Variants in LRP1B observed in about 807,000 individuals in gnomAD.
The protein encoded by LRP1B is LDL receptor related protein 1B.
Under a neutral mutation model 556.6 loss-of-function variants are expected in LRP1B, and 217 were observed. The observed-to-expected ratio is 0.39, with a 90% CI of 0.35 to 0.44. LRP1B has a LOEUF of 0.44. Among genes scored for constraint, LRP1B ranks in the 20% least tolerant of loss-of-function variants. The probability of loss-of-function intolerance (pLI) is 1.00; values close to 1 mark genes in which losing one functional copy is unlikely to be tolerated. For synonymous variants in LRP1B, 2,047 were observed against 1,865.8 expected (o/e 1.10, Z -2.50); for missense variants, 5,053 against 5,620.8 (o/e 0.90, Z 3.23).
intron 5 of LRP1B, among the ~76,000 whole-genome samples, chr2:141,233,841 T>C (rs2105303532): frequency 6.6e-6 from 1 of 152,144 alleles, no homozygotes; most frequent in South Asian, 2.1e-4. Flanking sequence ...AATAATTATG[T>C]AACTAACAAA....
intron 3 of LRP1B, among the ~76,000 whole-genome samples, chr2:141,426,943 G>T (rs1157779733): frequency 6.6e-6 from 1 of 152,034 alleles, no homozygotes; most frequent in Non-Finnish European, 1.5e-5. Context: ...TGTTACATAG[G>T]TATACACGTG....
At chr2:141,374,825 G>A (rs1244199014) in intron 3 of LRP1B, among the ~76,000 whole-genome samples, 8 of 151,972 alleles carry the variant, frequency 5.3e-5, no homozygotes, top group Admixed American at 1.3e-4. Flanking sequence ...CACATTGAGC[G>A]TCTTTAAAGA....
chr2:141,738,120 A>T (rs1401262069), intron 2 of LRP1B, among the ~76,000 whole-genome samples: 1 of 152,164 alleles, frequency 6.6e-6, no homozygotes. Flanking sequence ...AGTATGCTTC[A>T]GGAAATAGAA....
chr2:141,677,567 G>A (rs1188923730), intron 2 of LRP1B, among the ~76,000 whole-genome samples: 1 of 151,940 alleles, frequency 6.6e-6, no homozygotes, highest in African/African-American at 2.4e-5. Context: ...TCGTTTCACC[G>A]CAAACTCCAC....
chr2:141,211,230 C>T (rs758409826), intron 6 of LRP1B, among the ~76,000 whole-genome samples: 4 of 151,276 alleles, frequency 2.6e-5, no homozygotes, highest in African/African-American at 7.3e-5. Flanking sequence ...TCAGGTGATC[C>T]GCCTACCTCA....
chr2:140,460,409 A>G (rs1687269117), intron 60 of LRP1B, among the ~76,000 whole-genome samples: 1 of 152,238 alleles, frequency 6.6e-6, no homozygotes, highest in African/African-American at 2.4e-5. Flanking sequence ...ATGTGAAGGT[A>G]TGAAAGAAAC....
At chr2:140,255,420 T>G (rs1681629801) in intron 86 of LRP1B, among the ~76,000 whole-genome samples, 1 of 152,200 alleles carries the variant, frequency 6.6e-6, no homozygotes, top group Admixed American at 6.5e-5. Flanking sequence ...GTCATAAATA[T>G]CTTTACATAT....
chr2:141,719,775 C>T (rs567275267), intron 2 of LRP1B, among the ~76,000 whole-genome samples: 3 of 152,006 alleles, frequency 2.0e-5, no homozygotes, highest in African/African-American at 7.2e-5. Flanking sequence ...AACAGAAAAC[C>T]AAATACTGCA....
At chr2:140,243,334 A>G (rs1681030883) in intron 87 of LRP1B, among the ~76,000 whole-genome samples, 1 of 151,088 alleles carries the variant, frequency 6.6e-6, no homozygotes, top group African/African-American at 2.4e-5. Flanking sequence ...CAGAATAGAA[A>G]GAAAATAATG....
At chr2:141,345,370 C>T (rs1688209568) in intron 3 of LRP1B, among the ~76,000 whole-genome samples, 1 of 151,660 alleles carries the variant, frequency 6.6e-6, no homozygotes, top group Non-Finnish European at 1.5e-5. Flanking sequence ...CTAATAAGGA[C>T]TTTTTTTTTC....
intron 1 of LRP1B, among the ~76,000 whole-genome samples, chr2:141,813,276 C>T (rs1009422677): frequency 8.6e-5 from 13 of 151,988 alleles, no homozygotes; most frequent in Non-Finnish European, 1.8e-4. Flanking sequence ...AAAGATAAAC[C>T]TTATTGAGAA....
intron 2 of LRP1B, among the ~76,000 whole-genome samples, chr2:141,653,870 T>A (rs2105383551): frequency 6.6e-6 from 1 of 152,330 alleles, no homozygotes; most frequent in East Asian, 1.9e-4. Context: ...TTTTCTTTTA[T>A]AAAAATGGTA....
chr2:140,623,956 G>GTATATATATATATATATATATTTATATA (rs3060390), intron 41 of LRP1B, among the ~76,000 whole-genome samples: 1 of 106,436 alleles, frequency 9.4e-6, no homozygotes, highest in African/African-American at 3.4e-5. Context: ...TTTTATTTAT[G>GTATATATATATATATATATATTTATATA]TATATATATA....
chr2:141,150,269 C>A (rs1701888175), intron 7 of LRP1B, among the ~76,000 whole-genome samples: 1 of 152,188 alleles, frequency 6.6e-6, no homozygotes, highest in Admixed American at 6.5e-5. Context: ...TCAAAGTTTA[C>A]TAGTAAGTTC....
chr2:141,639,312 A>G (rs1462519270), intron 2 of LRP1B, among the ~76,000 whole-genome samples: 8,712 of 20,222 alleles, frequency 0.43, 1,166 homozygotes, highest in Non-Finnish European at 0.48. Context: ...GTGTATATAT[A>G]TATATATATA....
At chr2:140,951,839 C>A (rs1316750680) in intron 19 of LRP1B, 21 bp downstream of exon 19, 1 of 1,588,644 alleles carries the variant, frequency 6.3e-7, no homozygotes, top group Non-Finnish European at 8.6e-7. Context: ...TAGTGCTATA[C>A]AGTGAGCATT....
At chr2:141,068,104 C>T (rs1396412028) in intron 7 of LRP1B, among the ~76,000 whole-genome samples, 2 of 151,910 alleles carry the variant, frequency 1.3e-5, no homozygotes, top group Non-Finnish European at 2.9e-5. Context: ...CCATGACTAA[C>T]CGCCCATATT....
At chr2:142,117,174 T>C (rs574174570) in intron 1 of LRP1B, among the ~76,000 whole-genome samples, 31 of 152,282 alleles carry the variant, frequency 2.0e-4, no homozygotes, top group Non-Finnish European at 3.5e-4. Context: ...TAAGAGAGTT[T>C]TGTTTCTTAG....
chr2:141,090,104 T>C (rs1259751848), intron 7 of LRP1B, among the ~76,000 whole-genome samples: 1 of 152,202 alleles, frequency 6.6e-6, no homozygotes, highest in Non-Finnish European at 1.5e-5. Flanking sequence ...CAGGACATAC[T>C]TGATTTGTAA....
Sources: gnomAD v4.1 joint callset for allele counts (sites outside exome capture counted in the v4.1 genomes callset) on GRCh38, gnomAD v4.1.1 for gene constraint, MANE v1.5 for transcripts, NCBI Gene and HGNC (gene_info 2026-07-23, HGNC 2026-07-21) for gene names.